The following MTFR2 variants were observed in gnomAD, a reference collection of about 807,000 sequenced individuals.
MTFR2 encodes DUF729 domain-containing protein 1.
In MTFR2, 44 loss-of-function variants were observed where a neutral mutation model predicts 41.2. The ratio of observed to expected loss-of-function variants is 1.07; its 90% CI spans 0.84 to 1.37. The LOEUF is 1.37. Ranked by LOEUF, MTFR2 falls within the 40% of genes most tolerant of loss-of-function variation. The pLI is 0.00. For synonymous variants in MTFR2, 141 were observed against 154.6 expected (o/e 0.91, Z 0.65); for missense variants, 452 against 459.5 (o/e 0.98, Z 0.15).
At chr6:136,238,678 CCACACACACACACACACA>C (rs60002962) in intron 6 of MTFR2, among the ~76,000 whole-genome samples, 2 of 146,368 alleles carry the variant, frequency 1.4e-5, no homozygotes, top group Non-Finnish European at 3.0e-5. Flanking sequence ...TGTTTTTTCA[CCACACACACACACACACA>C]CACACACACA....
chr6:136,245,581 C>T (rs759386404), intron 2 of MTFR2, among the ~76,000 whole-genome samples: 23 of 152,160 alleles, frequency 1.5e-4, no homozygotes, highest in Non-Finnish European at 2.9e-4. Flanking sequence ...ATATAGGTAG[C>T]CACCTATTAG....
rs536224572 is a variant in MTFR2, at chr6:136,247,447, C to T, written c.63+1590G>A. The T allele has an allele frequency of 3.3e-3, 1,500 of 452,518 alleles. 25 individuals are homozygous for T. The highest frequency in any genetic ancestry group is 0.022 in the South Asian group (1,415 of 63,808). 28.0% of individuals were successfully genotyped at this position (452,518 alleles called of 1,614,324 possible). ...TTTCCAAGACTTATTTAATTAGATC[C>T]CTTGCCCAACTACCTTCTCAAAGGC... On this transcript the variant is annotated intron_variant, in intron 2 of 7. Transcript: ENST00000420702.
At position 136,239,744 on chromosome 6, in the gene MTFR2, G is replaced by C. The variant is rs2128457986; in HGVS notation, c.591C>G (p.Asp197Glu). 6.2e-7 allele frequency: 1 copy of C among 1,614,036 alleles called. No homozygotes were observed. Among genetic ancestry groups the C allele is most frequent in the East Asian group, 2.2e-5 (1 of 44,868 alleles). The change falls in exon 6 of 8, where the codon GAC becomes GAG. Residue 197 changes from aspartate (D) to glutamate (E), a missense_variant. Transcript: ENST00000420702. ...SSSRAAHLSV[D>E]PDQLPGSVLS... The stretch of plus-strand genomic sequence containing the variant: ...GCACTGAACCTGGAAGCTGATCTGG[G>C]TCCACACTCAGATGGGCAGCCCGCG...
intron 6 of MTFR2, among the ~76,000 whole-genome samples, chr6:136,236,589 T>C (rs1262355802): frequency 6.6e-6 from 1 of 152,148 alleles, no homozygotes; most frequent in Non-Finnish European, 1.5e-5. Context: ...CAAGATCTAG[T>C]TGGGACCAAG....
rs1248283418 is a variant in MTFR2 at position 136,239,792 on chromosome 6, A to C, written c.543T>G (p.Ile181Met). ...GCGATGATGACAGCTGACCCAAACT[A>C]ATGCGCTCGTCACTCAAGCCAAAGG... Reference protein sequence around the residue: ...SSSFGLSDERISLGQLSSSRA... With the variant: ...SSSFGLSDERMSLGQLSSSRA... The change falls in exon 6 of 8, where the codon ATT becomes ATG. Residue 181 changes from isoleucine to methionine, a missense_variant. Coordinates refer to ENST00000420702, the MANE Select transcript of MTFR2 (RefSeq NM_001099286.3). The C allele has an allele frequency of 1.9e-6, 3 of 1,610,974 alleles. No individual in the cohort carries two copies. The highest frequency in any genetic ancestry group is 2.5e-6 in the Non-Finnish European group (3 of 1,177,856).
chr6:136,241,769 C>A, intron 4 of MTFR2, 93 bp from the exon 5 acceptor site: 2 of 959,210 alleles, frequency 2.1e-6, no homozygotes, highest in Non-Finnish European at 3.1e-6. Flanking sequence ...AATCAAAAGA[C>A]AATAAAACAA....
chr6:136,238,489 A>T lies in MTFR2; in HGVS notation c.869+977T>A, dbSNP rs548518118. 1.2e-4 allele frequency among the ~76,000 whole-genome samples: 18 copies of T among 152,226 alleles called. 1 individual carries two copies. The South Asian group carries it at 3.7e-3, about 32-fold the overall frequency. On this transcript the variant is annotated intron_variant, in intron 6 of 7. Transcript: ENST00000420702. ...AAAAATAAAGTAATCAAACTATAGA[A>T]GTAGAAAGAAGAATGGCAGTTGCCA...
chr6:136,243,017 T>C, intron 3 of MTFR2, 44 bp from the exon 4 acceptor site: 1 of 1,365,068 alleles, frequency 7.3e-7, no homozygotes, highest in South Asian at 1.3e-5. Context: ...CTGCAGGGAG[T>C]CAGGAGAAGA....
At chr6:136,242,625 T>C (rs1369108584) in intron 4 of MTFR2, among the ~76,000 whole-genome samples, 1 of 151,980 alleles carries the variant, frequency 6.6e-6, no homozygotes, top group Admixed American at 6.6e-5. Context: ...GATTCTAATA[T>C]CCCTTTAATA....
At chr6:136,248,475 G>GTT in intron 2 of MTFR2, among the ~76,000 whole-genome samples, 1 of 152,308 alleles carries the variant, frequency 6.6e-6, no homozygotes, top group South Asian at 2.1e-4. Flanking sequence ...CCCTGCACAA[G>GTT]CTCTCTTGCC....
Position 136,233,482 on chromosome 6 carries a change from G to A in MTFR2, c.887C>T (p.Pro296Leu). The change falls in exon 7 of 8, where the codon CCC (proline) becomes CTC (leucine). Residue 296 changes from proline to leucine, a missense_variant. By Grantham distance (98) the Pro-to-Leu change is moderately conservative. Transcript: ENST00000420702. ...ATTCTGTCTTTTCCTCTTATGAATG[G>A]GTCTACCGCCAGGTGACCTATTTTT... ...RAIERSPGGR[P>L]IHKRKRQNSH... 1 of 1,539,014 alleles carries A rather than the reference G, an allele frequency of 6.5e-7. No individual in the cohort carries two copies.
intron 2 of MTFR2, among the ~76,000 whole-genome samples, chr6:136,247,035 C>A (rs933580529): frequency 1.3e-5 from 2 of 152,182 alleles, no homozygotes; most frequent in African/African-American, 4.8e-5. Context: ...AACTTCACTT[C>A]TCTTACTTAG....
At chr6:136,238,277 A>G (rs1332457737) in intron 6 of MTFR2, among the ~76,000 whole-genome samples, 1 of 152,250 alleles carries the variant, frequency 6.6e-6, no homozygotes, top group Non-Finnish European at 1.5e-5. Flanking sequence ...TCACAAAAAG[A>G]TAAATGCTGC....
chr6:136,249,131 G>T lies in MTFR2; in HGVS notation c.-32C>A. ...AGCAAATACAGAAGCCAATTCAAAG[G>T]AACATTATCAGTTTCTTGGTGCCTT... On this transcript the variant is annotated 5_prime_UTR_variant, in exon 2 of 8. Coordinates refer to ENST00000420702, the MANE Select transcript of MTFR2 (RefSeq NM_001099286.3). 6.5e-7 allele frequency: 1 copy of T among 1,536,732 alleles called. No homozygotes were observed. The highest frequency in any genetic ancestry group is 1.2e-5 in the South Asian group (1 of 80,798).
rs534952606 is a variant in MTFR2 at position 136,239,291 on chromosome 6, G to C, written c.869+175C>G. Among the ~76,000 whole-genome samples, 8 of 152,220 alleles carry C rather than the reference G, an allele frequency of 5.3e-5. No homozygotes were observed. In the South Asian group the frequency reaches 1.5e-3, roughly 28 times the overall value. On this transcript the variant is annotated intron_variant, in intron 6 of 7. Coordinates refer to ENST00000420702, the MANE Select transcript of MTFR2 (RefSeq NM_001099286.3). ...TTGTTTCAAAAATATGGTGATAAGA[G>C]ACTAGAAGAAGAAATAGTCAAAAAT...
chr6:136,238,283 G>A (rs1027623098), intron 6 of MTFR2, among the ~76,000 whole-genome samples: 1 of 152,154 alleles, frequency 6.6e-6, no homozygotes, highest in African/African-American at 2.4e-5. Context: ...AAAGATAAAT[G>A]CTGCATGATT....
chr6:136,238,044 T>C (rs1779954323), intron 6 of MTFR2, among the ~76,000 whole-genome samples: 1 of 152,006 alleles, frequency 6.6e-6, no homozygotes, highest in Non-Finnish European at 1.5e-5. Flanking sequence ...ATCCAAAAAT[T>C]AGAAATAGAA....
At chr6:136,232,623 T>G (rs1452903394) in intron 7 of MTFR2, among the ~76,000 whole-genome samples, 1 of 152,176 alleles carries the variant, frequency 6.6e-6, no homozygotes, top group African/African-American at 2.4e-5. Context: ...CCTTCCTCAG[T>G]GCTATCTAGC....
rs763716888 is a variant in MTFR2, at chr6:136,242,826, A to G, written c.281+35T>C. 3 of 1,517,446 alleles carry G rather than the reference A, an allele frequency of 2.0e-6. No individual in the cohort carries two copies. In the South Asian group the frequency reaches 3.5e-5, roughly 18 times the overall value. The allele number at this position is 1,517,446 out of a possible 1,614,324, so 94.0% of individuals were successfully genotyped here. A position where few individuals can be genotyped will look rare whatever the true frequency, so the allele number is the denominator to read the frequency against. On this transcript the variant is annotated intron_variant, in intron 4 of 7. Coordinates refer to ENST00000420702, the MANE Select transcript of MTFR2 (RefSeq NM_001099286.3). ...TTCGACACATGCAAGAATTCAGTTT[A>G]TAGCCCACTTCCCAAGATAAGCATA...
Sources: allele counts gnomAD v4.1 joint callset (sites outside exome capture counted in the v4.1 genomes callset), GRCh38; gene constraint gnomAD v4.1.1; transcripts MANE v1.5; gene names NCBI Gene and HGNC (gene_info 2026-07-23, HGNC 2026-07-21).